The following VPS13D variants were observed in gnomAD, a reference collection of about 807,000 sequenced individuals.
VPS13D encodes intermembrane lipid transfer protein VPS13D.
A neutral mutation model predicts 461.9 loss-of-function variants in VPS13D; 187 were observed. The observed-to-expected ratio is 0.40, with a 90% CI of 0.36 to 0.46. The LOEUF (loss-of-function observed/expected upper bound fraction) is 0.46. Ranked by LOEUF, VPS13D falls within the 20% of genes least tolerant of loss-of-function variation. The probability of loss-of-function intolerance (pLI) is 0.60; values close to 1 mark genes in which losing one functional copy is unlikely to be tolerated. For synonymous variants in VPS13D, 1,951 were observed against 1,986.3 expected, an observed-to-expected ratio of 0.98 and a Z score of 0.47; for missense variants, 4,711 against 5,364.9, an observed-to-expected ratio of 0.88 and a Z score of 3.81.
In VPS13D at chr1:12,385,380, T is replaced by G; in HGVS notation, c.11484+7T>G. The stretch of plus-strand genomic sequence containing the variant: ...TACAGAGCAGGAATTGGAAGTAAGG[T>G]CTAAATATTGTGAATTTATTTATTT... On this transcript the variant is annotated splice_region_variant and intron_variant, in intron 59 of 69. Coordinates refer to ENST00000620676, the MANE Select transcript of VPS13D (RefSeq NM_015378.4). 6.3e-7 allele frequency: 1 copy of G among 1,594,556 alleles called. No individual in the cohort carries two copies. The highest frequency in any genetic ancestry group is 1.4e-5 in the African/African-American group (1 of 73,958).
Position 12,234,243 on chromosome 1 carries a change from A to G in VPS13D, c.-24A>G. 3.3e-6 allele frequency: 5 copies of G among 1,523,096 alleles called. No homozygotes were observed. Among genetic ancestry groups the G allele is most frequent in the South Asian group, 1.1e-5 (1 of 87,486 alleles). The allele number at this position is 1,523,096 out of a possible 1,614,324, so 94.3% of individuals were successfully genotyped here. On this transcript the variant is annotated 5_prime_UTR_variant, in exon 2 of 70. Coordinates refer to ENST00000620676, the MANE Select transcript of VPS13D (RefSeq NM_015378.4). ...ATAAAGAATGATCCATGATTTCTAA[A>G]CACCTTTTCCTGAGGATATAGTCAT...
intron 67 of VPS13D, among the ~76,000 whole-genome samples, chr1:12,468,747 A>AT (rs1645524821): frequency 6.6e-6 from 1 of 152,206 alleles, no homozygotes; most frequent in African/African-American, 2.4e-5. Context: ...TATACTCTAA[A>AT]AGAGGCTGGG....
At chr1:12,504,046 T>TCA (rs1646071149) in intron 68 of VPS13D, among the ~76,000 whole-genome samples, 2 of 152,126 alleles carry the variant, frequency 1.3e-5, no homozygotes, top group African/African-American at 4.8e-5. Context: ...TTTTGCTGCT[T>TCA]CTCTCACAGA....
At chr1:12,403,277 C>T (rs1468463880) in intron 62 of VPS13D, among the ~76,000 whole-genome samples, 1 of 152,212 alleles carries the variant, frequency 6.6e-6, no homozygotes, top group Non-Finnish European at 1.5e-5. Context: ...AAAAATCTGC[C>T]TTGATTGTCC....
chr1:12,486,220 A>G (rs1365130481), intron 67 of VPS13D, among the ~76,000 whole-genome samples: 4 of 152,158 alleles, frequency 2.6e-5, no homozygotes, highest in African/African-American at 9.7e-5. Flanking sequence ...CTTCTGAGAA[A>G]GCTCAGCCAT....
chr1:12,361,974 T>G (rs1275065618), intron 50 of VPS13D, among the ~76,000 whole-genome samples: 2 of 152,186 alleles, frequency 1.3e-5, no homozygotes, highest in African/African-American at 4.8e-5. Flanking sequence ...TTCTCTTTCT[T>G]GCCTCAGCCT....
chr1:12,286,831 G>A (rs1414572293), intron 21 of VPS13D, among the ~76,000 whole-genome samples: 1 of 152,130 alleles, frequency 6.6e-6, no homozygotes, highest in African/African-American at 2.4e-5. Context: ...TGTTCTTTTG[G>A]TAAAATTAAA....
At chr1:12,436,095 C>T (rs1052822655) in intron 65 of VPS13D, among the ~76,000 whole-genome samples, 2 of 152,190 alleles carry the variant, frequency 1.3e-5, no homozygotes, top group African/African-American at 4.8e-5. Flanking sequence ...CTGTGCTAGG[C>T]ACAGGGGACA....
At chr1:12,233,608 G>A (rs1640054738) in intron 1 of VPS13D, among the ~76,000 whole-genome samples, 1 of 152,212 alleles carries the variant, frequency 6.6e-6, no homozygotes, top group Non-Finnish European at 1.5e-5. Flanking sequence ...CAGTTACACT[G>A]AAAAGATAGA....
intron 32 of VPS13D, among the ~76,000 whole-genome samples, 184 bp downstream of exon 32, chr1:12,319,814 T>G (rs1642986963): frequency 6.6e-6 from 1 of 152,236 alleles, no homozygotes; most frequent in Non-Finnish European, 1.5e-5. Context: ...ATGGATTCAG[T>G]CTCCCAGTGT....
chr1:12,416,461 G>C (rs1644795313), intron 64 of VPS13D, among the ~76,000 whole-genome samples, 199 bp from the exon 65 acceptor site: 1 of 152,118 alleles, frequency 6.6e-6, no homozygotes, highest in Non-Finnish European at 1.5e-5. Flanking sequence ...TATGTGTATT[G>C]GGAGAAGCTT....
Position 12,234,317 on chromosome 1 carries a change from T to C in VPS13D, c.51T>C (p.Tyr17=), listed in dbSNP as rs199636764. The C allele has an allele frequency of 6.2e-7, 1 of 1,614,134 alleles. No individual in the cohort carries two copies. Among genetic ancestry groups the C allele is most frequent in the Non-Finnish European group, 8.5e-7 (1 of 1,179,998 alleles). ...AWVLNTYLGK[Y]VNNLNTDQLS... Reference sequence around the variant, plus strand: ...TTCTCAATACCTATTTGGGAAAATATGTCAATAACCTGAACACTGACCAGC... The same window carrying C: ...TTCTCAATACCTATTTGGGAAAATACGTCAATAACCTGAACACTGACCAGC... Residue 17 remains tyrosine (Y), a synonymous_variant, in exon 2 of 70, where the codon TAT becomes TAC. Coordinates refer to ENST00000620676, the MANE Select transcript of VPS13D (RefSeq NM_015378.4).
At chr1:12,474,141 T>C (rs1645598891) in intron 67 of VPS13D, among the ~76,000 whole-genome samples, 1 of 152,178 alleles carries the variant, frequency 6.6e-6, no homozygotes, top group Non-Finnish European at 1.5e-5. Flanking sequence ...TGGCATCTGT[T>C]GTCTGCCGAG....
At chr1:12,398,490 A>G (rs1323745098) in intron 60 of VPS13D, among the ~76,000 whole-genome samples, 1 of 151,912 alleles carries the variant, frequency 6.6e-6, no homozygotes, top group Non-Finnish European at 1.5e-5. Flanking sequence ...AGGAAGTGAT[A>G]TGATAGGGGG....
rs564979213 is a variant in VPS13D at position 12,369,565 on chromosome 1, C to A, written c.10671C>A (p.Thr3557=). The change falls in exon 54 of 70, where the codon ACC becomes ACA. Residue 3557 remains threonine, a synonymous_variant. Coordinates refer to ENST00000620676, the MANE Select transcript of VPS13D (RefSeq NM_015378.4). ...TGGATTATGCCTGGGACGAACCCAC[C>A]TTGCCACCTTTTATCACTCTGACTG... ...TSLDYAWDEP[T]LPPFITLTVK... 1.2e-6 allele frequency: 2 copies of A among 1,614,220 alleles called. No individual in the cohort carries two copies. Among genetic ancestry groups the A allele is most frequent in the South Asian group, 2.2e-5 (2 of 91,088 alleles).
intron 7 of VPS13D, among the ~76,000 whole-genome samples, chr1:12,254,170 C>T (rs186665988): frequency 6.6e-5 from 10 of 152,302 alleles, no homozygotes; most frequent in Middle Eastern, 3.4e-3. Flanking sequence ...TGCATGTTCA[C>T]GTAACATACT....
intron 60 of VPS13D, among the ~76,000 whole-genome samples, chr1:12,390,190 A>T (rs1644406250): frequency 6.6e-6 from 1 of 152,186 alleles, no homozygotes; most frequent in South Asian, 2.1e-4. Context: ...AGGGGTGATG[A>T]TGAATGGTGC....
chr1:12,257,995 GAA>G lies in VPS13D; in HGVS notation c.1004_1005del (p.Lys335ThrfsTer13). 1 of 1,614,214 alleles carries G rather than the reference GAA, an allele frequency of 6.2e-7. No homozygotes were observed. The highest frequency in any genetic ancestry group is 8.5e-7 in the Non-Finnish European group (1 of 1,180,046). On this transcript the variant is annotated frameshift_variant, in exon 10 of 70. Transcript: ENST00000620676. LOFTEE classifies it high-confidence loss of function. ...ANLYEIREQR[K>X]RCTWDFMLHR... is the part of the protein sequence containing the mutation. ...ACTTGTATGAGATCAGAGAGCAGAG[GAA>G]ACGTTGCACCTGGGACTTTATGTTG...
At position 12,283,104 on chromosome 1, in the gene VPS13D, C is replaced by T; in HGVS notation, c.5002C>T (p.Leu1668=). The T allele has an allele frequency of 1.2e-6, 2 of 1,614,156 alleles. No individual in the cohort carries two copies. The highest frequency in any genetic ancestry group is 1.7e-6 in the Non-Finnish European group (2 of 1,180,022). ...CCAGACTTTATCTATTCAGATTGCC[C>T]TGCATTCTCTGCTGATGGAGGACTT... ...HPQTLSIQIA[L]HSLLMEDLLE... Residue 1668 remains leucine (L), a synonymous_variant, in exon 21 of 70, where the codon CTG becomes TTG. Coordinates refer to ENST00000620676, the MANE Select transcript of VPS13D (RefSeq NM_015378.4).
Sources: allele counts gnomAD v4.1 joint callset (sites outside exome capture counted in the v4.1 genomes callset), GRCh38; gene constraint gnomAD v4.1.1; transcripts MANE v1.5; gene names NCBI Gene and HGNC (gene_info 2026-07-23, HGNC 2026-07-21).